SNAP29: variants seen among roughly 807,000 people sequenced by gnomAD.
SNAP29 encodes synaptosomal-associated protein 29.
A neutral mutation model predicts 27.9 loss-of-function variants in SNAP29; 13 were observed. That is an observed-to-expected ratio of 0.47 (90% CI 0.30 to 0.74). The LOEUF is 0.74. SNAP29 is among the 30% of genes least tolerant of loss of function. The probability of loss-of-function intolerance (pLI) is 0.06; values close to 1 mark genes in which losing one functional copy is unlikely to be tolerated. For synonymous variants in SNAP29, 119 were observed against 127.1 expected, an observed-to-expected ratio of 0.94 and a Z score of 0.43; for missense variants, 368 against 336.5, an observed-to-expected ratio of 1.09 and a Z score of -0.73.
intron 4 of SNAP29, among the ~76,000 whole-genome samples, chr22:20,885,619 G>T (rs948381656): frequency 6.6e-6 from 1 of 152,220 alleles, no homozygotes; most frequent in East Asian, 1.9e-4. Context: ...CTTTGAGGAA[G>T]GATACTGCAT....
intron 2 of SNAP29, among the ~76,000 whole-genome samples, chr22:20,875,295 AT>A (rs1928712200): frequency 6.6e-6 from 1 of 152,124 alleles, no homozygotes; most frequent in East Asian, 1.9e-4. Flanking sequence ...CCCCAAAGTC[AT>A]GTACCCTGCC....
At chr22:20,865,299 G>C (rs1366963726) in intron 1 of SNAP29, among the ~76,000 whole-genome samples, 1 of 152,080 alleles carries the variant, frequency 6.6e-6, no homozygotes, top group East Asian at 1.9e-4. Context: ...AGGCTGCAGT[G>C]AGCTGAGGTC....
chr22:20,886,125 T>A (rs933092672), intron 4 of SNAP29, among the ~76,000 whole-genome samples: 95 of 149,490 alleles, frequency 6.4e-4, no homozygotes, highest in African/African-American at 2.3e-3. Flanking sequence ...TTTTTTTTTT[T>A]TAATTTTAAT....
intron 1 of SNAP29, among the ~76,000 whole-genome samples, chr22:20,863,736 A>G (rs1928389964): frequency 1.3e-5 from 2 of 152,134 alleles, no homozygotes; most frequent in Non-Finnish European, 2.9e-5. Flanking sequence ...ATTTCAAAAC[A>G]TACAAAAGGG....
At chr22:20,873,109 C>T (rs932773884) in intron 2 of SNAP29, among the ~76,000 whole-genome samples, 4 of 152,026 alleles carry the variant, frequency 2.6e-5, no homozygotes, top group South Asian at 4.1e-4. Context: ...GGATTATGGG[C>T]GTGAGCCACC....
intron 3 of SNAP29, among the ~76,000 whole-genome samples, chr22:20,882,167 G>A (rs563870575): frequency 3.7e-4 from 56 of 151,872 alleles, no homozygotes; most frequent in South Asian, 2.1e-4. Context: ...AGGACACCCC[G>A]ACTCAGCCCA....
rs891213099 is a variant in SNAP29 at position 20,870,212 on chromosome 22, A to G, written c.238-125A>G. 125 of 804,062 alleles carry G rather than the reference A, an allele frequency of 1.6e-4. 1 individual carries two copies. The East Asian group carries it at 3.1e-3, about 20-fold the overall frequency. 49.8% of individuals were successfully genotyped at this position (804,062 alleles called of 1,614,324 possible). On this transcript the variant is annotated intron_variant, in intron 1 of 4. Transcript: ENST00000215730. ...GGAAAGGGTAGTGTGCCCCTCACAG[A>G]TGACAGTACCCGTCTCCAGATGTGC...
chr22:20,859,865 C>T (rs1928205620), intron 1 of SNAP29, among the ~76,000 whole-genome samples: 1 of 152,160 alleles, frequency 6.6e-6, no homozygotes, highest in African/African-American at 2.4e-5. Context: ...ACCTAACCAA[C>T]CAATAGAGGT....
intron 1 of SNAP29, among the ~76,000 whole-genome samples, chr22:20,862,609 C>T (rs981086752): frequency 3.9e-5 from 6 of 152,090 alleles, no homozygotes; most frequent in East Asian, 1.9e-4. Context: ...TGACATGCCC[C>T]GTGCTGCCCC....
At chr22:20,868,730 C>G (rs949440582) in intron 1 of SNAP29, among the ~76,000 whole-genome samples, 1 of 152,178 alleles carries the variant, frequency 6.6e-6, no homozygotes, top group African/African-American at 2.4e-5. Flanking sequence ...AAATGAAGCT[C>G]GAGAGCCTTC....
At chr22:20,866,368 G>A (rs980247325) in intron 1 of SNAP29, among the ~76,000 whole-genome samples, 3 of 152,318 alleles carry the variant, frequency 2.0e-5, no homozygotes, top group African/African-American at 7.2e-5. Context: ...ACACTCCCTT[G>A]GGAAGGGAGA....
At position 20,888,053 on chromosome 22, in the gene SNAP29, T is replaced by C. The variant is rs974104566; in HGVS notation, c.*217T>C. Reference sequence around the variant, plus strand: ...TCACCAAGTTCTTCCAGCAAAATGCTTATTAGAGTTTTTGTCTGAGCACAG... The same window carrying C: ...TCACCAAGTTCTTCCAGCAAAATGCCTATTAGAGTTTTTGTCTGAGCACAG... On this transcript the variant is annotated 3_prime_UTR_variant, in exon 5 of 5. Coordinates refer to ENST00000215730, the MANE Select transcript of SNAP29 (RefSeq NM_004782.4). 6 of 556,534 alleles carry C rather than the reference T, an allele frequency of 1.1e-5. No individual in the cohort carries two copies. The highest frequency in any genetic ancestry group is 1.9e-5 in the Non-Finnish European group (6 of 311,692). 34.5% of individuals were successfully genotyped at this position (556,534 alleles called of 1,614,324 possible). A position where few individuals can be genotyped will look rare whatever the true frequency, so the allele number is the denominator to read the frequency against.
At chr22:20,882,892 G>A (rs16988887) in intron 3 of SNAP29, among the ~76,000 whole-genome samples, 1,691 of 152,120 alleles carry the variant, frequency 0.011, 25 homozygotes, top group African/African-American at 0.038. Flanking sequence ...TTCCGTGTGC[G>A]TTTAGAAACT....
chr22:20,874,033 T>A (rs1024547162), intron 2 of SNAP29, among the ~76,000 whole-genome samples: 1 of 147,702 alleles, frequency 6.8e-6, no homozygotes, highest in Non-Finnish European at 1.5e-5. Context: ...CCCAGCACTT[T>A]GGGAGGCCAA....
chr22:20,873,076 C>T (rs925814859), intron 2 of SNAP29, among the ~76,000 whole-genome samples: 6 of 151,986 alleles, frequency 3.9e-5, no homozygotes, highest in Non-Finnish European at 1.5e-5. Context: ...ATGATCCGCC[C>T]GCCTCAGCCT....
intron 2 of SNAP29, among the ~76,000 whole-genome samples, chr22:20,878,524 G>A (rs1477642080): frequency 6.6e-6 from 1 of 152,102 alleles, no homozygotes; most frequent in African/African-American, 2.4e-5. Flanking sequence ...CTTGCAGTGC[G>A]TGGAGATCAC....
intron 2 of SNAP29, 145 bp downstream of exon 2, chr22:20,870,678 T>C: frequency 1.3e-6 from 1 of 776,444 alleles, no homozygotes. Flanking sequence ...TCCTCAAACA[T>C]TGTGAAACCA....
chr22:20,883,472 C>A lies in SNAP29; in HGVS notation c.522C>A (p.Asp174Glu), dbSNP rs773672703. ...HPNLRKLDDT[D>E]PVPRGAGSAM... is the part of the protein sequence containing the mutation. ...CCTGGTGTTTCCTTCTAAACTTAGACCCTGTCCCCAGAGGGGCTGGTTCTG... is the reference window on the plus strand; with the variant it reads ...CCTGGTGTTTCCTTCTAAACTTAGAACCTGTCCCCAGAGGGGCTGGTTCTG... The change falls in exon 4 of 5, where the codon GAC becomes GAA. Residue 174 changes from aspartate (D) to glutamate (E), a missense_variant and splice_region_variant. Asp to Glu is a conservative substitution (Grantham distance 45). Transcript: ENST00000215730. The A allele has an allele frequency of 7.5e-6, 12 of 1,604,280 alleles. No individual in the cohort carries two copies. The highest frequency in any genetic ancestry group is 1.0e-5 in the Non-Finnish European group (12 of 1,171,242).
At chr22:20,869,414 AT>A (rs769838291) in intron 1 of SNAP29, among the ~76,000 whole-genome samples, 17 of 152,160 alleles carry the variant, frequency 1.1e-4, no homozygotes, top group Non-Finnish European at 2.1e-4. Context: ...AAGTATCTGG[AT>A]GGAAAACATT....
Sources: gnomAD v4.1 joint callset for allele counts (sites outside exome capture counted in the v4.1 genomes callset) on GRCh38, gnomAD v4.1.1 for gene constraint, MANE v1.5 for transcripts, NCBI Gene and HGNC (gene_info 2026-07-23, HGNC 2026-07-21) for gene names.